The following DGLUCY variants were observed in gnomAD, a reference collection of about 807,000 sequenced individuals.
DGLUCY encodes D-glutamate cyclase, mitochondrial.
A neutral mutation model predicts 58.5 loss-of-function variants in DGLUCY; 58 were observed. That is an observed-to-expected ratio of 0.99 (90% confidence interval 0.80 to 1.23). DGLUCY has a LOEUF of 1.23. DGLUCY is among the 50% of genes most tolerant of loss of function. The pLI, the probability that DGLUCY is intolerant of heterozygous loss-of-function variation, is 0.00. For missense variants in DGLUCY, 779 were observed against 784.7 expected, an observed-to-expected ratio of 0.99 and a Z score of 0.09; for synonymous variants, 325 against 314.1, an observed-to-expected ratio of 1.03 and a Z score of -0.37.
intron 8 of DGLUCY, among the ~76,000 whole-genome samples, chr14:91,183,127 G>T (rs553065998): frequency 2.6e-5 from 4 of 152,080 alleles, no homozygotes; most frequent in African/African-American, 9.6e-5. Context: ...GAGTAGCTGA[G>T]ACTACAGGCC....
intron 11 of DGLUCY, among the ~76,000 whole-genome samples, chr14:91,203,269 A>G (rs1296588097): frequency 3.3e-5 from 5 of 152,254 alleles, no homozygotes; most frequent in African/African-American, 1.2e-4. Context: ...GAGAAAAACC[A>G]TCAGGATATA....
rs1271203211 is a variant in DGLUCY, at chr14:91,225,055, C to T, written c.*222C>T. ...TCTCTGGGGCTTTTTAACTTTTATT[C>T]CTAAGACTCTAAAGGCGTTGATTTC... On this transcript the variant is annotated 3_prime_UTR_variant, in exon 14 of 14. Coordinates refer to ENST00000256324, the MANE Select transcript of DGLUCY (RefSeq NM_001102368.3). The T allele has an allele frequency of 6.7e-6, 3 of 449,368 alleles. No homozygotes were observed. The highest frequency in any genetic ancestry group is 6.0e-5 in the African/African-American group (3 of 49,748). The allele number at this position is 449,368 out of a possible 1,614,324, so 27.8% of individuals were successfully genotyped here. A position where few individuals can be genotyped will look rare whatever the true frequency, so the allele number is the denominator to read the frequency against.
intron 9 of DGLUCY, among the ~76,000 whole-genome samples, chr14:91,190,576 G>A (rs560750297): frequency 2.0e-5 from 3 of 152,186 alleles, no homozygotes; most frequent in Admixed American, 6.5e-5. Flanking sequence ...TGATGAGGGC[G>A]TGAGGCTTGG....
intron 1 of DGLUCY, among the ~76,000 whole-genome samples, chr14:91,140,324 A>G (rs947504226): frequency 2.0e-5 from 3 of 152,208 alleles, no homozygotes; most frequent in African/African-American, 7.2e-5. Context: ...CTATGTCTCA[A>G]TGACATGTTG....
intron 1 of DGLUCY, among the ~76,000 whole-genome samples, chr14:91,120,466 G>A (rs987970397): frequency 6.6e-6 from 1 of 152,068 alleles, no homozygotes; most frequent in Non-Finnish European, 1.5e-5. Context: ...GTGCAATCAC[G>A]CTATCTCAGC....
intron 6 of DGLUCY, 154 bp from the exon 7 acceptor site, chr14:91,175,780 T>C (rs2048819119): frequency 1.3e-6 from 1 of 792,550 alleles, no homozygotes; most frequent in East Asian, 2.9e-5. Context: ...GTCAAAGCCT[T>C]AATCCCTATT....
At chr14:91,139,381 C>G (rs1480301221) in intron 1 of DGLUCY, among the ~76,000 whole-genome samples, 2 of 152,290 alleles carry the variant, frequency 1.3e-5, no homozygotes, top group African/African-American at 4.8e-5. Flanking sequence ...AACACCCTCA[C>G]AGATGTACCC....
At position 91,060,351 on chromosome 14, in the gene DGLUCY, G is replaced by A. The variant is rs777417347; in HGVS notation, c.-435G>A. 2.7e-5 allele frequency: 40 copies of A among 1,461,072 alleles called. No individual in the cohort carries two copies. The African/African-American group carries it at 4.9e-4, about 18-fold the overall frequency. 90.5% of individuals were successfully genotyped at this position (1,461,072 alleles called of 1,614,324 possible). The stretch of plus-strand genomic sequence containing the variant: ...GCTCACCAGTCCGCAGCTCGTGCTT[G>A]ACAGTGAGGAGCTGCTCTCCTCCGT... On this transcript the variant is annotated 5_prime_UTR_variant, in exon 1 of 5. Transcript: ENST00000521334.
At position 91,201,099 on chromosome 14, in the gene DGLUCY, G is replaced by A. The variant is rs185837564; in HGVS notation, c.1444+1194G>A. ...TCACAAAGTACATTATGGCAAGGGC[G>A]GGGAGGGTGTATTGTCACAAAGTCA... is the stretch of plus-strand genomic sequence containing the variant. On this transcript the variant is annotated intron_variant, in intron 11 of 13. Transcript: ENST00000256324. Among the ~76,000 whole-genome samples the A allele has an allele frequency of 2.0e-3, 301 of 152,236 alleles. 1 individual carries two copies. Among genetic ancestry groups the A allele is most frequent in the Admixed American group, 5.2e-3 (80 of 15,282 alleles).
chr14:91,129,655 T>C (rs544726377), intron 1 of DGLUCY, among the ~76,000 whole-genome samples: 5 of 152,220 alleles, frequency 3.3e-5, no homozygotes, highest in Non-Finnish European at 7.4e-5. Flanking sequence ...TTTTTTGTTT[T>C]TTTTTTCTGA....
At chr14:91,157,283 G>GGGTGGGTGGATGGATGGATGGATGAA (rs1566971984) in intron 1 of DGLUCY, among the ~76,000 whole-genome samples, 2 of 68,506 alleles carry the variant, frequency 2.9e-5, no homozygotes, top group Non-Finnish European at 6.2e-5. Flanking sequence ...GGATGGATGG[G>GGGTGGGTGGATGGATGGATGGATGAA]TGGGTGGATA....
chr14:91,154,941 T>C (rs1216776442), intron 1 of DGLUCY, among the ~76,000 whole-genome samples: 3 of 152,132 alleles, frequency 2.0e-5, no homozygotes, highest in Non-Finnish European at 4.4e-5. Context: ...TGTGTCAGGC[T>C]CTGCAGCACG....
chr14:91,091,189 T>C (rs1039809310), intron 1 of DGLUCY: 1 of 152,032 alleles, frequency 6.6e-6, no homozygotes, highest in African/African-American at 2.4e-5. Flanking sequence ...TACAATACAT[T>C]CCTCTCCATA....
Position 91,143,029 on chromosome 14 carries a change from C to CAA in DGLUCY, c.-81-14591_-81-14590dup, listed in dbSNP as rs34164664. The stretch of plus-strand genomic sequence containing the variant: ...TGGGTGACACAGCGAGACTCCCTCT[C>CAA]AAAAAAAAAAAAAAAAAAAAGGATC... On this transcript the variant is annotated intron_variant, in intron 1 of 13. Transcript: ENST00000256324. 2.4e-3 allele frequency among the ~76,000 whole-genome samples: 196 copies of CAA among 83,042 alleles called. 1 individual carries two copies. The highest frequency in any genetic ancestry group is 5.8e-3 in the African/African-American group (123 of 21,290). 54.5% of individuals were successfully genotyped at this position (83,042 alleles called of 152,430 possible).
intron 8 of DGLUCY, among the ~76,000 whole-genome samples, chr14:91,186,222 A>G (rs556433113): frequency 4.8e-4 from 73 of 151,988 alleles, no homozygotes; most frequent in African/African-American, 1.7e-3. Flanking sequence ...CAATTTTTTT[A>G]TTTAAAAATG....
intron 12 of DGLUCY, among the ~76,000 whole-genome samples, chr14:91,205,797 C>CTTCTTCTTCTTCTT (rs1884530763): frequency 4.5e-5 from 3 of 66,324 alleles, no homozygotes; most frequent in Non-Finnish European, 6.6e-5. Flanking sequence ...TTCTTCTTCT[C>CTTCTTCTTCTTCTT]CGTCTCCTTC....
At chr14:91,106,454 C>A (rs1485883925), upstream of DGLUCY, among the ~76,000 whole-genome samples, 1 of 152,106 alleles carries the variant, frequency 6.6e-6, no homozygotes, top group Admixed American at 6.6e-5. Flanking sequence ...TGCCTATAAT[C>A]TCAGCCCTTT....
chr14:91,172,277 C>G (rs28412577), intron 5 of DGLUCY, among the ~76,000 whole-genome samples: 12,941 of 152,078 alleles, frequency 0.085, 1,575 homozygotes, highest in African/African-American at 0.27. Flanking sequence ...CAGGGTTTCG[C>G]TGTATTGCCC....
At chr14:91,087,094 A>T (rs983106582) in intron 1 of DGLUCY, among the ~76,000 whole-genome samples, 3 of 152,142 alleles carry the variant, frequency 2.0e-5, no homozygotes, top group Admixed American at 1.3e-4. Context: ...CAGAGTCTAG[A>T]AGTTTGCCAC....
Sources: gnomAD v4.1 joint callset for allele counts (sites outside exome capture counted in the v4.1 genomes callset) on GRCh38, gnomAD v4.1.1 for gene constraint, MANE v1.5 for transcripts, NCBI Gene and HGNC (gene_info 2026-07-23, HGNC 2026-07-21) for gene names.